The following ATP2B2 variants were observed in gnomAD, a reference collection of about 807,000 sequenced individuals.
The protein encoded by ATP2B2 is plasma membrane calcium-transporting ATPase 2.
A neutral mutation model predicts 120.0 loss-of-function variants in ATP2B2; 15 were observed. The ratio of observed to expected loss-of-function variants is 0.12; its 90% CI spans 0.08 to 0.19. The LOEUF (loss-of-function observed/expected upper bound fraction) is 0.19, where lower values mean the gene tolerates loss of function less well. Among genes scored for constraint, ATP2B2 ranks in the 10% least tolerant of loss-of-function variants. The probability of loss-of-function intolerance (pLI) is 1.00; values close to 1 mark genes in which losing one functional copy is unlikely to be tolerated. For missense variants in ATP2B2, 1,045 were observed against 1,719.8 expected (o/e 0.61, Z 6.94); for synonymous variants, 694 against 700.3 (o/e 0.99, Z 0.14).
chr3:10,683,760 G>GTGGGTATGTATGTA (rs1446781892), intron 1 of ATP2B2, among the ~76,000 whole-genome samples: 1 of 53,888 alleles, frequency 1.9e-5, no homozygotes, highest in Admixed American at 2.5e-4. Context: ...GTGTGTGTGT[G>GTGGGTATGTATGTA]TATATATATA....
At chr3:10,337,850 T>C (rs950130154) in intron 22 of ATP2B2, among the ~76,000 whole-genome samples, 19 of 151,974 alleles carry the variant, frequency 1.3e-4, no homozygotes, top group Non-Finnish European at 1.9e-4. Flanking sequence ...TGAGCGACAG[T>C]CCCCTCACTC....
chr3:10,381,994 G>A (rs2061543774), intron 8 of ATP2B2, among the ~76,000 whole-genome samples: 1 of 151,992 alleles, frequency 6.6e-6, no homozygotes, highest in East Asian at 1.9e-4. Flanking sequence ...CTAAGGTGAT[G>A]TTTATGAAAG....
At chr3:10,341,887 T>C (rs566321898) in intron 19 of ATP2B2, among the ~76,000 whole-genome samples, 5 of 142,102 alleles carry the variant, frequency 3.5e-5, no homozygotes, top group African/African-American at 1.4e-4. Context: ...TCAAAATTTA[T>C]AAAAGGCAAC....
intron 1 of ATP2B2, among the ~76,000 whole-genome samples, chr3:10,484,446 C>A (rs1335493488): frequency 6.6e-6 from 1 of 152,088 alleles, no homozygotes; most frequent in Admixed American, 6.5e-5. Flanking sequence ...TCTCCCCGTA[C>A]CCCCACAGCC....
chr3:10,329,157 G>A lies in ATP2B2; in HGVS notation c.3421-32C>T, dbSNP rs1168998300. ...GGGAAGCACAGGGGTCAGGAGCACT[G>A]CCCAGGGACCACAGCCAGGCTCGGG... On this transcript the variant is annotated intron_variant, in intron 22 of 22. Transcript: ENST00000360273. The surrounding 1 kb of genome is among the most constrained non-coding windows in gnomAD (Gnocchi z 5.9). The A allele has an allele frequency of 6.6e-7, 1 of 1,515,500 alleles. No homozygotes were observed. The highest frequency in any genetic ancestry group is 8.9e-7 in the Non-Finnish European group (1 of 1,120,734). The allele number at this position is 1,515,500 out of a possible 1,614,324, so 93.9% of individuals were successfully genotyped here. A position where few individuals can be genotyped will look rare whatever the true frequency, so the allele number is the denominator to read the frequency against.
intron 1 of ATP2B2, among the ~76,000 whole-genome samples, chr3:10,494,424 C>T (rs1285906184): frequency 6.6e-6 from 1 of 152,170 alleles, no homozygotes; most frequent in Non-Finnish European, 1.5e-5. Context: ...CTCAAGGTCA[C>T]ATAGCTCGGA....
intron 2 of ATP2B2, among the ~76,000 whole-genome samples, chr3:10,434,253 GA>G (rs2063410065): frequency 6.6e-6 from 1 of 152,244 alleles, no homozygotes; most frequent in Non-Finnish European, 1.5e-5. Context: ...GCAGACGGGG[GA>G]AAGATCTGTA....
chr3:10,686,043 C>CTTTTTTTTTTTT (rs34073958), intron 1 of ATP2B2, among the ~76,000 whole-genome samples: 1 of 93,224 alleles, frequency 1.1e-5, no homozygotes, highest in African/African-American at 4.1e-5. Context: ...TTCCTCCTTT[C>CTTTTTTTTTTTT]TTTTTTTTTT....
rs143994827 is a variant in ATP2B2, at chr3:10,347,701, C to A, written c.2405-1564G>T. Among the ~76,000 whole-genome samples the A allele has an allele frequency of 7.8e-3, 1,184 of 152,344 alleles. 10 individuals are homozygous for A. The highest frequency in any genetic ancestry group is 0.02 in the African/African-American group (847 of 41,576). On this transcript the variant is annotated intron_variant, in intron 16 of 22. Coordinates refer to ENST00000360273, the MANE Select transcript of ATP2B2 (RefSeq NM_001001331.4). This position sits in a 1 kb window ranked among gnomAD's most constrained non-coding sequence, Gnocchi z 5.2. ...AGTCAGCCTGGGGGCTCCTCCAAGG[C>A]AGGGACGGGTCAAATTTCTGCCCTG...
chr3:10,356,964 T>TGA (rs4040764), intron 14 of ATP2B2, among the ~76,000 whole-genome samples: 7,806 of 144,310 alleles, frequency 0.054, 314 homozygotes, highest in African/African-American at 0.12. Context: ...TGTGTGTGTA[T>TGA]GAGAGAGAGA....
In ATP2B2 at chr3:10,421,530, A is replaced by C. The variant is rs141615960; in HGVS notation, c.200-10715T>G. ...AGAAGGCTGGAGAAGGAGAAACTAG[A>C]AGCTGAGTGGCGAGAAAAAGGAGAC... is the stretch of plus-strand genomic sequence containing the variant. On this transcript the variant is annotated intron_variant, in intron 2 of 22. Transcript: ENST00000360273. 4.1e-3 allele frequency among the ~76,000 whole-genome samples: 624 copies of C among 152,280 alleles called. 3 individuals carry two copies. Among genetic ancestry groups the C allele is most frequent in the Non-Finnish European group, 5.3e-3 (359 of 67,990 alleles).
intron 1 of ATP2B2, among the ~76,000 whole-genome samples, chr3:10,695,188 T>C (rs1292556635): frequency 7.0e-6 from 1 of 143,540 alleles, no homozygotes; most frequent in Non-Finnish European, 1.5e-5. Context: ...ACAATCATGG[T>C]GGAAAGCAAG....
At chr3:10,627,815 C>T (rs900064998) in intron 1 of ATP2B2, among the ~76,000 whole-genome samples, 6 of 152,290 alleles carry the variant, frequency 3.9e-5, no homozygotes, top group Admixed American at 3.3e-4. Flanking sequence ...GTGGCCTTCA[C>T]AGTCTGATGG....
intron 1 of ATP2B2, among the ~76,000 whole-genome samples, chr3:10,689,192 G>A (rs1407729130): frequency 6.6e-6 from 1 of 151,820 alleles, no homozygotes; most frequent in Admixed American, 6.6e-5. Flanking sequence ...TATATTCTAT[G>A]AGCTCTACCA....
intron 3 of ATP2B2, among the ~76,000 whole-genome samples, chr3:10,520,451 G>C (rs1001137651): frequency 6.6e-6 from 1 of 152,196 alleles, no homozygotes; most frequent in African/African-American, 2.4e-5. Flanking sequence ...GGTGGACTTA[G>C]AGATTATAAA....
At chr3:10,682,932 C>T (rs978798665) in intron 1 of ATP2B2, among the ~76,000 whole-genome samples, 2 of 152,156 alleles carry the variant, frequency 1.3e-5, no homozygotes, top group African/African-American at 2.4e-5. Flanking sequence ...ACCCATTCAT[C>T]GTGTGCACAC....
At chr3:10,597,597 G>T (rs2068804611) in intron 2 of ATP2B2, among the ~76,000 whole-genome samples, 1 of 152,220 alleles carries the variant, frequency 6.6e-6, no homozygotes, top group Admixed American at 6.5e-5. Flanking sequence ...CCTATAGCCA[G>T]CTGTGTGGCA....
At chr3:10,601,869 C>T (rs2068932030) in intron 2 of ATP2B2, among the ~76,000 whole-genome samples, 2 of 152,242 alleles carry the variant, frequency 1.3e-5, no homozygotes, top group African/African-American at 4.8e-5. Context: ...CCCTTCCAGC[C>T]ATGGCCCTCC....
At position 10,607,459 on chromosome 3, in the gene ATP2B2, G is replaced by A. The variant is rs1441100627; in HGVS notation, c.-415+12458C>T. Among the ~76,000 whole-genome samples the A allele has an allele frequency of 5.9e-5, 9 of 152,180 alleles. No homozygotes were observed. The East Asian group carries it at 1.2e-3, about 20-fold the overall frequency. On this transcript the variant is annotated intron_variant, in intron 2 of 21. Transcript: ENST00000646379. Reference sequence around the variant, plus strand: ...GAGTCCCTGGACTCCCTGGAGAGGGGTCAGTGGTGAGCCAAGGCAGTGCCC... The same window carrying A: ...GAGTCCCTGGACTCCCTGGAGAGGGATCAGTGGTGAGCCAAGGCAGTGCCC...
Sources: gnomAD v4.1 joint callset for allele counts (sites outside exome capture counted in the v4.1 genomes callset) on GRCh38, gnomAD v4.1.1 for gene constraint, Gnocchi (gnomAD v3.1) non-coding constraint, MANE v1.5 for transcripts, NCBI Gene and HGNC (gene_info 2026-07-23, HGNC 2026-07-21) for gene names.